The following ITPKB variants were observed in gnomAD, a reference collection of about 807,000 sequenced individuals.
The protein encoded by ITPKB is inositol-trisphosphate 3-kinase B, also known as IP3 3-kinase B.
In ITPKB, 13 loss-of-function variants were observed where a neutral mutation model predicts 69.4. The observed-to-expected ratio is 0.19, with a 90% CI of 0.12 to 0.30. The LOEUF (loss-of-function observed/expected upper bound fraction) is 0.30. ITPKB is among the 10% of genes least tolerant of loss of function. The pLI is 1.00. For missense variants in ITPKB, 1,240 were observed against 1,250.5 expected, an observed-to-expected ratio of 0.99 and a Z score of 0.13; for synonymous variants, 584 against 513.7, an observed-to-expected ratio of 1.14 and a Z score of -1.85.
At chr1:226,682,345 G>A (rs1458009363) in intron 2 of ITPKB, among the ~76,000 whole-genome samples, 1 of 152,188 alleles carries the variant, frequency 6.6e-6, no homozygotes, top group Non-Finnish European at 1.5e-5. Context: ...GTCATTCAGG[G>A]TTCTTGAGAA....
chr1:226,690,676 C>T (rs1196497935), intron 2 of ITPKB, among the ~76,000 whole-genome samples: 1 of 152,210 alleles, frequency 6.6e-6, no homozygotes, highest in East Asian at 1.9e-4. Flanking sequence ...CACTCAGACA[C>T]AGTCGCACAC....
intron 2 of ITPKB, among the ~76,000 whole-genome samples, chr1:226,657,586 G>A (rs1669319965): frequency 6.6e-6 from 1 of 152,194 alleles, no homozygotes; most frequent in African/African-American, 2.4e-5. Context: ...GGTATTGCCA[G>A]CCGAACTCTG....
At chr1:226,729,641 C>T (rs2102649272) in intron 2 of ITPKB, among the ~76,000 whole-genome samples, 1 of 152,032 alleles carries the variant, frequency 6.6e-6, no homozygotes, top group Middle Eastern at 3.4e-3. Context: ...TGCAATGGTG[C>T]AATCTCGGCT....
intron 2 of ITPKB, among the ~76,000 whole-genome samples, chr1:226,706,285 A>G (rs1656800369): frequency 6.6e-6 from 1 of 152,382 alleles, no homozygotes; most frequent in Non-Finnish European, 1.5e-5. Context: ...AAAATACTTG[A>G]TAGTGAAACC....
chr1:226,692,403 C>T (rs897804091), intron 2 of ITPKB, among the ~76,000 whole-genome samples: 3 of 152,110 alleles, frequency 2.0e-5, no homozygotes, highest in East Asian at 1.9e-4. Context: ...CATGAAATGG[C>T]GGGAAGACAT....
At chr1:226,700,795 G>C (rs1035830450) in intron 2 of ITPKB, among the ~76,000 whole-genome samples, 1 of 152,144 alleles carries the variant, frequency 6.6e-6, no homozygotes, top group South Asian at 2.1e-4. Flanking sequence ...AGAATGAGAA[G>C]GGAGTGGGGG....
chr1:226,703,825 G>T (rs1045693510), intron 2 of ITPKB, among the ~76,000 whole-genome samples: 1 of 152,210 alleles, frequency 6.6e-6, no homozygotes, highest in Non-Finnish European at 1.5e-5. Flanking sequence ...TTTCAGTCTG[G>T]GTTTCCTCAT....
chr1:226,637,856 T>G lies in ITPKB; in HGVS notation c.2554-106A>C, dbSNP rs1357613328. 3.7e-6 allele frequency: 3 copies of G among 806,272 alleles called. No homozygotes were observed. Among genetic ancestry groups the G allele is most frequent in the Non-Finnish European group, 6.3e-6 (3 of 475,792 alleles). 49.9% of individuals were successfully genotyped at this position (806,272 alleles called of 1,614,324 possible). A position where few individuals can be genotyped will look rare whatever the true frequency, so the allele number is the denominator to read the frequency against. Reference sequence around the variant, plus strand: ...TCCCTCCCGTGAATGTGCTTTACCCTAAACGCCGGACATCTAGAGGCAGCT... The same window carrying G: ...TCCCTCCCGTGAATGTGCTTTACCCGAAACGCCGGACATCTAGAGGCAGCT... On this transcript the variant is annotated intron_variant, in intron 6 of 7. Coordinates refer to ENST00000429204, the MANE Select transcript of ITPKB (RefSeq NM_002221.4). This position sits in a 1 kb window ranked among gnomAD's most constrained non-coding sequence, Gnocchi z 4.3.
At chr1:226,648,560 A>C (rs1669108622) in intron 3 of ITPKB, 112 bp downstream of exon 3, 1 of 737,262 alleles carries the variant, frequency 1.4e-6, no homozygotes, top group East Asian at 2.5e-5. Context: ...TCAGACTAGA[A>C]AGTCTTGGAG....
intron 2 of ITPKB, among the ~76,000 whole-genome samples, chr1:226,650,891 A>T (rs534127958): frequency 6.6e-6 from 1 of 152,272 alleles, no homozygotes; most frequent in African/African-American, 2.4e-5. Context: ...GGATGGATGG[A>T]CACTCTAGGG....
chr1:226,737,132 G>C lies in ITPKB; in HGVS notation c.327C>G (p.Asp109Glu). ...SPSWAGRLRG[D>E]RQQVVAAGTL... The stretch of plus-strand genomic sequence containing the variant: ...TACCGGCTGCCACCACCTGCTGCCG[G>C]TCCCCTCGCAGGCGACCAGCCCAAC... The change falls in exon 2 of 8, where the codon GAC (aspartate) becomes GAG (glutamate). Residue 109 changes from aspartate to glutamate, a missense_variant. Coordinates refer to ENST00000429204, the MANE Select transcript of ITPKB (RefSeq NM_002221.4). 1 of 1,602,360 alleles carries C rather than the reference G, an allele frequency of 6.2e-7. No homozygotes were observed. The highest frequency in any genetic ancestry group is 8.5e-7 in the Non-Finnish European group (1 of 1,179,620).
rs74258786 is a variant in ITPKB at position 226,691,237 on chromosome 1, TA to T, written c.1933-42467del. ...TATGTTATGTACACTTTGCCACATT[TA>T]AAAAAAAAAAAACCTCTGTTTTTTC... On this transcript the variant is annotated intron_variant, in intron 2 of 7. Coordinates refer to ENST00000429204, the MANE Select transcript of ITPKB (RefSeq NM_002221.4). Among the ~76,000 whole-genome samples the T allele has an allele frequency of 4.4e-3, 628 of 143,912 alleles. 1 individual carries two copies. The highest frequency in any genetic ancestry group is 7.2e-3 in the East Asian group (36 of 5,032). 94.4% of individuals were successfully genotyped at this position (143,912 alleles called of 152,430 possible).
intron 2 of ITPKB, chr1:226,707,996 C>CTACCCACCAA (rs1465374464): frequency 5.9e-5 from 49 of 836,776 alleles, no homozygotes; most frequent in Non-Finnish European, 7.8e-5. Context: ...AATATGGAAA[C>CTACCCACCAA]TACCCACCAA....
At chr1:226,701,225 C>T (rs1025412563) in intron 2 of ITPKB, among the ~76,000 whole-genome samples, 2 of 152,206 alleles carry the variant, frequency 1.3e-5, no homozygotes, top group African/African-American at 2.4e-5. Context: ...AGTATCATTT[C>T]AACAGAACAG....
In ITPKB at chr1:226,631,714, A is replaced by T. The variant is rs1197918159; in HGVS notation, c.*2957T>A. The T allele has an allele frequency of 2.0e-5, 3 of 152,692 alleles. No homozygotes were observed. Among genetic ancestry groups the T allele is most frequent in the African/African-American group, 7.2e-5 (3 of 41,440 alleles). The allele number at this position is 152,692 out of a possible 1,614,324, so 9.5% of individuals were successfully genotyped here. A position where few individuals can be genotyped will look rare whatever the true frequency, so the allele number is the denominator to read the frequency against. ...CTGGTCTCCAAGGCTTTATTCAGGA[A>T]GGTTTGCATCTGTTTGACAGGCACT... On this transcript the variant is annotated 3_prime_UTR_variant, in exon 8 of 8. Coordinates refer to ENST00000429204, the MANE Select transcript of ITPKB (RefSeq NM_002221.4).
Position 226,736,606 on chromosome 1 carries a change from T to A in ITPKB, c.853A>T (p.Thr285Ser), listed in dbSNP as rs1476457186. ...AATGAGGGAGCTAGGCAGCTCCGAGTTCCCGGGGTAGGAGAGCCCCTTTTG... is the reference window on the plus strand; with the variant it reads ...AATGAGGGAGCTAGGCAGCTCCGAGATCCCGGGGTAGGAGAGCCCCTTTTG... Reference protein sequence around the residue: ...IDKRGSPTPGTRSCLAPSLGL... With the variant: ...IDKRGSPTPGSRSCLAPSLGL... The change falls in exon 2 of 8, where the codon ACT (threonine) becomes TCT (serine). Residue 285 changes from threonine to serine, a missense_variant. By Grantham distance (58) the Thr-to-Ser change is moderately conservative (BLOSUM62 1). Transcript: ENST00000429204. The A allele has an allele frequency of 3.7e-6, 6 of 1,613,662 alleles. No homozygotes were observed. Among genetic ancestry groups the A allele is most frequent in the Middle Eastern group, 1.6e-4 (1 of 6,082 alleles).
chr1:226,636,055 A>G (rs3754378), intron 7 of ITPKB, among the ~76,000 whole-genome samples: 20,191 of 152,328 alleles, frequency 0.13, 1,660 homozygotes, highest in East Asian at 0.27. Flanking sequence ...CTAGACCTTA[A>G]GGGAGACCCC....
intron 2 of ITPKB, among the ~76,000 whole-genome samples, chr1:226,689,707 T>G (rs186668729): frequency 6.6e-6 from 1 of 151,882 alleles, no homozygotes; most frequent in East Asian, 1.9e-4. Context: ...TACAGATTAT[T>G]TCATCACCCA....
chr1:226,736,078 G>A lies in ITPKB; in HGVS notation c.1381C>T (p.Pro461Ser), dbSNP rs35823273. The A allele has an allele frequency of 5.5e-3, 8,909 of 1,612,240 alleles. 38 individuals carry two copies. The highest frequency in any genetic ancestry group is 6.6e-3 in the Non-Finnish European group (7,739 of 1,179,434). Residue 461 changes from proline (P) to serine (S), a missense_variant, in exon 2 of 8, where the codon CCG (proline) becomes TCG (serine). Transcript: ENST00000429204. ...GLLGGSPSAQ[P>S]GTGNVEAGIP... ...CCCGCCTCCACATTCCCGGTCCCCG[G>A]CTGTGCTGAGGGGCTGCCCCCAAGC...
Sources: allele counts gnomAD v4.1 joint callset (sites outside exome capture counted in the v4.1 genomes callset), GRCh38; gene constraint gnomAD v4.1.1; non-coding constraint Gnocchi (gnomAD v3.1); transcripts MANE v1.5; gene names NCBI Gene and HGNC (gene_info 2026-07-23, HGNC 2026-07-21).